Variants in CADPS2 observed in about 807,000 individuals in gnomAD.
CADPS2 encodes calcium dependent secretion activator 2, also known as calcium-dependent secretion activator 2.
Under a neutral mutation model 172.5 loss-of-function variants are expected in CADPS2, and 93 were observed. The observed-to-expected ratio is 0.54, with a 90% CI of 0.46 to 0.64. CADPS2 has a LOEUF of 0.64. Ranked by LOEUF, CADPS2 falls within the 30% of genes least tolerant of loss-of-function variation. The pLI is 0.00. For missense variants in CADPS2, 1,420 were observed against 1,565.9 expected, an observed-to-expected ratio of 0.91 and a Z score of 1.57; for synonymous variants, 546 against 555.2, an observed-to-expected ratio of 0.98 and a Z score of 0.23.
intron 11 of CADPS2, among the ~76,000 whole-genome samples, chr7:122,489,521 A>G (rs2058105140): frequency 6.6e-6 from 1 of 152,178 alleles, no homozygotes. Flanking sequence ...AGTCATTTAA[A>G]ATTAAAAATT....
At chr7:122,492,414 T>C (rs1165592619) in intron 9 of CADPS2, among the ~76,000 whole-genome samples, 2 of 152,046 alleles carry the variant, frequency 1.3e-5, no homozygotes, top group Non-Finnish European at 2.9e-5. Context: ...CCATAGCTGC[T>C]CTGAAGTCAC....
chr7:122,649,605 G>A (rs1302469539), intron 3 of CADPS2, among the ~76,000 whole-genome samples: 1 of 152,180 alleles, frequency 6.6e-6, no homozygotes, highest in Non-Finnish European at 1.5e-5. Flanking sequence ...TGCATACAAA[G>A]TTGGAGAGCA....
intron 15 of CADPS2, among the ~76,000 whole-genome samples, chr7:122,447,178 T>C (rs1380641340): frequency 2.0e-5 from 3 of 152,042 alleles, no homozygotes; most frequent in Admixed American, 2.0e-4. Flanking sequence ...ATGAGAATGT[T>C]CTAGACAACT....
intron 25 of CADPS2, among the ~76,000 whole-genome samples, chr7:122,363,084 C>T (rs752117802): frequency 6.6e-6 from 1 of 152,200 alleles, no homozygotes; most frequent in Non-Finnish European, 1.5e-5. Context: ...TAATTTAGCA[C>T]TTTCTTCCTG....
chr7:122,382,588 T>G (rs1220363695), intron 24 of CADPS2, among the ~76,000 whole-genome samples: 1 of 151,796 alleles, frequency 6.6e-6, no homozygotes, highest in Non-Finnish European at 1.5e-5. Flanking sequence ...AATTGATAGG[T>G]TTTTTTTCCC....
At position 122,658,342 on chromosome 7, in the gene CADPS2, A is replaced by G. The variant is rs578127420; in HGVS notation, c.786+4895T>C. Among the ~76,000 whole-genome samples, 4 of 144,984 alleles carry G rather than the reference A, an allele frequency of 2.8e-5. No individual in the cohort carries two copies. The East Asian group carries it at 6.3e-4, about 23-fold the overall frequency. Reference sequence around the variant, plus strand: ...TGAAAGACAGTGTGGCAATTCCTCAAGGATCTAGAACTAGAAATACCATTC... The same window carrying G: ...TGAAAGACAGTGTGGCAATTCCTCAGGGATCTAGAACTAGAAATACCATTC... On this transcript the variant is annotated intron_variant, in intron 3 of 29. Transcript: ENST00000449022.
intron 3 of CADPS2, among the ~76,000 whole-genome samples, chr7:122,636,851 C>A (rs1161834357): frequency 2.0e-5 from 3 of 152,010 alleles, no homozygotes; most frequent in African/African-American, 7.2e-5. Flanking sequence ...TGTATACTAT[C>A]TTGCCAGAAT....
At chr7:122,422,792 TA>T (rs35816048) in intron 17 of CADPS2, among the ~76,000 whole-genome samples, 14,035 of 132,808 alleles carry the variant, frequency 0.11, 782 homozygotes, top group Non-Finnish European at 0.11. Flanking sequence ...CCGTCTCTAT[TA>T]AAAAAAAAAA....
chr7:122,490,683 A>C (rs908536353), intron 10 of CADPS2, among the ~76,000 whole-genome samples: 1 of 149,146 alleles, frequency 6.7e-6, no homozygotes, highest in Admixed American at 6.8e-5. Context: ...TTCATATTGC[A>C]TGTATTTTAT....
intron 7 of CADPS2, among the ~76,000 whole-genome samples, chr7:122,570,374 C>T (rs1216176631): frequency 1.3e-5 from 2 of 150,884 alleles, no homozygotes; most frequent in Non-Finnish European, 3.0e-5. Flanking sequence ...ATTAAAAAGT[C>T]AGGAAACAAC....
At chr7:122,549,966 AGATC>A (rs1424519969) in intron 8 of CADPS2, among the ~76,000 whole-genome samples, 1 of 152,202 alleles carries the variant, frequency 6.6e-6, no homozygotes, top group Non-Finnish European at 1.5e-5. Context: ...AATTAGTTGG[AGATC>A]ATAAACCCTG....
intron 7 of CADPS2, among the ~76,000 whole-genome samples, chr7:122,562,218 G>A (rs1036740214): frequency 1.3e-5 from 2 of 152,104 alleles, no homozygotes; most frequent in African/African-American, 4.8e-5. Flanking sequence ...AATGGCAAAG[G>A]AGAATTAAGG....
chr7:122,444,870 C>A (rs1329710114), intron 15 of CADPS2, among the ~76,000 whole-genome samples: 1 of 152,112 alleles, frequency 6.6e-6, no homozygotes, highest in Non-Finnish European at 1.5e-5. Flanking sequence ...CTTTGCCTAA[C>A]CCAAAGACAC....
intron 27 of CADPS2, among the ~76,000 whole-genome samples, chr7:122,355,573 C>T (rs904936367): frequency 1.4e-5 from 2 of 143,732 alleles, no homozygotes; most frequent in East Asian, 3.9e-4. Context: ...CAGAGTGAGG[C>T]TGTCTTATTA....
chr7:122,513,289 A>G lies in CADPS2; in HGVS notation c.1502T>C (p.Val501Ala). The change falls in exon 9 of 30, where the codon GTT (valine) becomes GCT (alanine). Residue 501 changes from valine (V) to alanine (A), a missense_variant. Physicochemically the swap from Val to Ala is moderately conservative, Grantham distance 64. Transcript: ENST00000449022. ...GTAACGTTTTTTCCATCTTTTCCAA[A>G]CCTTCTGTCCAAGGGCATACAGATA... ...SGYLYALGQK[V>A]WKRWKKRYFV... 6.4e-7 allele frequency: 1 copy of G among 1,562,246 alleles called. No homozygotes were observed.
At chr7:122,709,694 T>C (rs1289504422) in intron 2 of CADPS2, among the ~76,000 whole-genome samples, 1 of 152,130 alleles carries the variant, frequency 6.6e-6, no homozygotes, top group Non-Finnish European at 1.5e-5. Flanking sequence ...TAAGAAAATA[T>C]GGCATATATA....
intron 8 of CADPS2, among the ~76,000 whole-genome samples, chr7:122,513,792 AGTCTCCAT>A (rs1482061614): frequency 6.6e-6 from 1 of 152,182 alleles, no homozygotes; most frequent in Non-Finnish European, 1.5e-5. Context: ...CACCAATCTC[AGTCTCCAT>A]GTCCTCACCT....
chr7:122,876,535 C>A (rs1821257056), intron 1 of CADPS2, among the ~76,000 whole-genome samples: 1 of 151,896 alleles, frequency 6.6e-6, no homozygotes, highest in East Asian at 1.9e-4. Context: ...CTAATTTTTT[C>A]TATTTTTTGT....
chr7:122,825,071 T>C (rs2140450127), intron 1 of CADPS2, among the ~76,000 whole-genome samples: 1 of 151,542 alleles, frequency 6.6e-6, no homozygotes, highest in East Asian at 1.9e-4. Flanking sequence ...GAATAAAGAG[T>C]TCAAGGTTGA....
Sources: gnomAD v4.1 joint callset for allele counts (sites outside exome capture counted in the v4.1 genomes callset) on GRCh38, gnomAD v4.1.1 for gene constraint, MANE v1.5 for transcripts, NCBI Gene and HGNC (gene_info 2026-07-23, HGNC 2026-07-21) for gene names.